SLC66A3: variants seen among roughly 807,000 people sequenced by gnomAD.
The protein encoded by SLC66A3 is PQ loop repeat containing 3.
A neutral mutation model predicts 25.5 loss-of-function variants in SLC66A3; 23 were observed. The observed-to-expected ratio is 0.90, with a 90% CI of 0.65 to 1.28. The LOEUF (loss-of-function observed/expected upper bound fraction) is 1.28, where lower values mean the gene tolerates loss of function less well. Among genes scored for constraint, SLC66A3 ranks in the 50% most tolerant of loss-of-function variants. The pLI is 0.00. For synonymous variants in SLC66A3, 108 were observed against 112.6 expected, an observed-to-expected ratio of 0.96 and a Z score of 0.26; for missense variants, 246 against 262.1, an observed-to-expected ratio of 0.94 and a Z score of 0.42.
At chr2:11,177,368 G>A (rs1341614430) in intron 6 of SLC66A3, among the ~76,000 whole-genome samples, 1 of 151,752 alleles carries the variant, frequency 6.6e-6, no homozygotes, top group African/African-American at 2.4e-5. Context: ...GCTGAGGCGG[G>A]AGAATCACTT....
intron 1 of SLC66A3, among the ~76,000 whole-genome samples, chr2:11,159,254 G>GC (rs958719217): frequency 2.0e-5 from 3 of 152,172 alleles, no homozygotes; most frequent in African/African-American, 4.8e-5. Context: ...CCCTCTGCCA[G>GC]CCCCCCTGGG....
intron 3 of SLC66A3, among the ~76,000 whole-genome samples, 187 bp from the exon 4 acceptor site, chr2:11,164,017 C>T (rs1032032030): frequency 6.6e-6 from 1 of 152,118 alleles, no homozygotes; most frequent in Non-Finnish European, 1.5e-5. Flanking sequence ...CTTTTGAATT[C>T]TGAGCAGGTG....
chr2:11,169,533 G>T (rs963958499), intron 4 of SLC66A3, among the ~76,000 whole-genome samples: 2 of 152,090 alleles, frequency 1.3e-5, no homozygotes, highest in East Asian at 3.9e-4. Context: ...TGCCCACCGG[G>T]CTTCCAGGAA....
At chr2:11,168,553 G>C (rs1012852329) in intron 4 of SLC66A3, among the ~76,000 whole-genome samples, 6 of 152,110 alleles carry the variant, frequency 3.9e-5, no homozygotes, top group Non-Finnish European at 8.8e-5. Context: ...TGATGTGTGT[G>C]AACAAAGCCA....
chr2:11,176,921 G>A (rs1227217988), intron 6 of SLC66A3, among the ~76,000 whole-genome samples: 3 of 152,152 alleles, frequency 2.0e-5, no homozygotes, highest in African/African-American at 4.8e-5. Flanking sequence ...TATTTATCAG[G>A]AGTGTATCCG....
intron 6 of SLC66A3, 130 bp from the exon 7 acceptor site, chr2:11,177,607 T>C: frequency 1.7e-6 from 1 of 595,502 alleles, no homozygotes; most frequent in Non-Finnish European, 2.9e-6. Flanking sequence ...TCCCCAGAAA[T>C]AACTGGAACC....
At chr2:11,174,905 A>G (rs1662683107) in intron 5 of SLC66A3, 63 bp from the exon 6 acceptor site, 1 of 1,119,622 alleles carries the variant, frequency 8.9e-7, no homozygotes, top group Non-Finnish European at 1.3e-6. Context: ...GAAAGACATT[A>G]TTAGCTAAGC....
intron 4 of SLC66A3, among the ~76,000 whole-genome samples, chr2:11,166,073 T>G (rs1662331277): frequency 6.6e-6 from 1 of 152,092 alleles, no homozygotes; most frequent in Non-Finnish European, 1.5e-5. Flanking sequence ...AGGGTTTCAC[T>G]GTGTTGGCCA....
At chr2:11,174,308 T>C (rs1305911353) in intron 5 of SLC66A3, among the ~76,000 whole-genome samples, 1 of 152,178 alleles carries the variant, frequency 6.6e-6, no homozygotes, top group African/African-American at 2.4e-5. Context: ...ACTACCCAGA[T>C]GCTCAATTTG....
chr2:11,170,509 G>T (rs1430844214), intron 4 of SLC66A3, among the ~76,000 whole-genome samples: 2 of 141,506 alleles, frequency 1.4e-5, no homozygotes, highest in African/African-American at 5.1e-5. Context: ...CAGGGCTGAG[G>T]TGCCGCGGCT....
chr2:11,173,803 A>G (rs74394056), intron 5 of SLC66A3, among the ~76,000 whole-genome samples: 3,663 of 152,242 alleles, frequency 0.024, 175 homozygotes, highest in African/African-American at 0.084. Context: ...TGTTACTCCA[A>G]TTTCCTAAAT....
intron 4 of SLC66A3, among the ~76,000 whole-genome samples, chr2:11,165,351 C>G (rs898801674): frequency 6.7e-6 from 1 of 150,016 alleles, no homozygotes; most frequent in Non-Finnish European, 1.5e-5. Context: ...GATGGGCGAC[C>G]GGGCAGAGAC....
intron 5 of SLC66A3, 119 bp from the exon 6 acceptor site, chr2:11,174,843 GAATAAA>G: frequency 1.8e-6 from 1 of 552,450 alleles, no homozygotes; most frequent in Non-Finnish European, 3.0e-6. Flanking sequence ...GTTAAAAAAA[GAATAAA>G]AATAATTTAA....
chr2:11,177,703 G>A (rs761650341), intron 6 of SLC66A3, 34 bp from the exon 7 acceptor site: 3 of 1,413,590 alleles, frequency 2.1e-6, no homozygotes, highest in Non-Finnish European at 3.0e-6. Context: ...GTATTGTAAA[G>A]ACAGTTTTTA....
intron 1 of SLC66A3, 28 bp from the exon 2 acceptor site, chr2:11,160,438 G>T: frequency 1.2e-6 from 2 of 1,606,778 alleles, no homozygotes; most frequent in Non-Finnish European, 1.7e-6. Context: ...TGGGGCAGCC[G>T]TGTGGACATG....
intron 3 of SLC66A3, 96 bp from the exon 4 acceptor site, chr2:11,164,108 G>A: frequency 1.4e-6 from 1 of 717,652 alleles, no homozygotes; most frequent in Non-Finnish European, 2.4e-6. Context: ...CCTGGCTTCT[G>A]CGTGCCGCTG....
intron 1 of SLC66A3, among the ~76,000 whole-genome samples, chr2:11,158,586 C>T (rs918018450): frequency 3.3e-5 from 5 of 152,286 alleles, no homozygotes; most frequent in Non-Finnish European, 5.9e-5. Flanking sequence ...GGCGTGAACC[C>T]GGGAGGCGGA....
intron 1 of SLC66A3, among the ~76,000 whole-genome samples, chr2:11,158,323 G>C (rs1661980070): frequency 6.6e-6 from 1 of 152,108 alleles, no homozygotes. Flanking sequence ...TTCAAGACCA[G>C]CCTTGCCAAC....
chr2:11,177,859 T>G lies in SLC66A3; in HGVS notation c.*31T>G, dbSNP rs181241828. On this transcript the variant is annotated 3_prime_UTR_variant, in exon 7 of 7. Coordinates refer to ENST00000295083, the MANE Select transcript of SLC66A3 (RefSeq NM_152391.5). The stretch of plus-strand genomic sequence containing the variant: ...ACATTATTCCTTCACACAGTGGATT[T>G]TGAGTAACTGAACCAAAGGAAAAAG... 8 of 1,293,482 alleles carry G rather than the reference T, an allele frequency of 6.2e-6. No individual in the cohort carries two copies. The South Asian group carries it at 8.9e-5, about 14-fold the overall frequency. The allele number at this position is 1,293,482 out of a possible 1,614,324, so 80.1% of individuals were successfully genotyped here.
Sources: gnomAD v4.1 joint callset for allele counts (sites outside exome capture counted in the v4.1 genomes callset) on GRCh38, gnomAD v4.1.1 for gene constraint, MANE v1.5 for transcripts, NCBI Gene and HGNC (gene_info 2026-07-23, HGNC 2026-07-21) for gene names.